RPS3A: variants seen among roughly 807,000 people sequenced by gnomAD.
RPS3A encodes ribosomal protein S3A, also known as small ribosomal subunit protein eS1.
RPS3A carries 1 observed loss-of-function variant against 26.4 expected under a neutral mutation model. That is an observed-to-expected ratio of 0.04 (90% CI 0.01 to 0.18). RPS3A has a LOEUF of 0.18. RPS3A is among the 10% of genes least tolerant of loss of function. RPS3A has a pLI of 1.00. For synonymous variants in RPS3A, 97 were observed against 106.1 expected, an observed-to-expected ratio of 0.91 and a Z score of 0.53; for missense variants, 139 against 326.8, an observed-to-expected ratio of 0.43 and a Z score of 4.43.
chr4:151,100,333 TTA>T lies in RPS3A; in HGVS notation c.63-150_63-149del, dbSNP rs1747064883. On this transcript the variant is annotated intron_variant, in intron 1 of 5. Transcript: ENST00000274065. ...AAACGTACAGTGGGAAGAGCTAGAT[TTA>T]TGTTTGTTCCCCTCACCTCACTGTG... 7 of 590,164 alleles carry T rather than the reference TTA, an allele frequency of 1.2e-5. No homozygotes were observed. In the East Asian group the frequency reaches 2.0e-4, roughly 17 times the overall value. 36.6% of individuals were successfully genotyped at this position (590,164 alleles called of 1,614,324 possible). A position where few individuals can be genotyped will look rare whatever the true frequency, so the allele number is the denominator to read the frequency against.
chr4:151,099,920 GCGCGCGTCGCGTTTGAGC>G lies in RPS3A; in HGVS notation c.62+209_62+226del, dbSNP rs536576412. On this transcript the variant is annotated intron_variant, in intron 1 of 5. Transcript: ENST00000274065. ...GCCTTTCCCAGGCCTTCTGGTCCTT[GCGCGCGTCGCGTTTGAGC>G]CGGCTTGCCGGCGCGACTCGGCTGG... 1.5e-5 allele frequency: 10 copies of G among 689,428 alleles called. No individual in the cohort carries two copies. In the South Asian group the frequency reaches 1.5e-4, roughly 10 times the overall value. 42.7% of individuals were successfully genotyped at this position (689,428 alleles called of 1,614,324 possible).
chr4:151,100,887 ATTAAC>A, intron 2 of RPS3A, 83 bp from the exon 3 acceptor site: 1 of 891,332 alleles, frequency 1.1e-6, no homozygotes, highest in Non-Finnish European at 1.7e-6. Context: ...ATAATTTACC[ATTAAC>A]TTAATTTCTA....
chr4:151,103,685 T>G, intron 4 of RPS3A: 1 of 1,091,232 alleles, frequency 9.2e-7, no homozygotes, highest in South Asian at 2.2e-5. Flanking sequence ...TAGGATTGTT[T>G]GAGCCCAGGA....
chr4:151,099,854 C>A, intron 1 of RPS3A, 140 bp downstream of exon 1: 1 of 898,718 alleles, frequency 1.1e-6, no homozygotes, highest in Non-Finnish European at 1.8e-6. Flanking sequence ...CACCCAGGAA[C>A]GCGGCCTGGA....
chr4:151,104,445 T>G (rs899781742), intron 5 of RPS3A, 27 bp from the exon 6 acceptor site: 5 of 1,349,340 alleles, frequency 3.7e-6, no homozygotes, highest in South Asian at 1.7e-5. Flanking sequence ...TTTGGTTTTT[T>G]TTTTTTTTTT....
rs1747087965 is a variant in RPS3A at position 151,100,872 on chromosome 4, T to G, written c.167-103T>G. 3 of 778,538 alleles carry G rather than the reference T, an allele frequency of 3.9e-6. No homozygotes were observed. The South Asian group carries it at 5.4e-5, about 14-fold the overall frequency. The allele number at this position is 778,538 out of a possible 1,614,324, so 48.2% of individuals were successfully genotyped here. A position where few individuals can be genotyped will look rare whatever the true frequency, so the allele number is the denominator to read the frequency against. On this transcript the variant is annotated intron_variant, in intron 2 of 5. Coordinates refer to ENST00000274065, the MANE Select transcript of RPS3A (RefSeq NM_001006.5). ...ATAGATTTGATAACAAAGGTTAAGG[T>G]CTTTATAATTTACCATTAACTTAAT...
In RPS3A at chr4:151,104,265, C is replaced by A; in HGVS notation, c.652C>A (p.Leu218Met). ...TGTCTTCGTTAGAAAAGTAAAAATG[C>A]TGAAGAAGCCCAAGTTTGAATGTAA... ...HDVFVRKVKM[L>M]KKPKFELGKL... Residue 218 changes from leucine (L) to methionine (M), a missense_variant, in exon 5 of 6, where the codon CTG becomes ATG. By Grantham distance (15) the Leu-to-Met change is conservative. Around this residue, in one of 3 missense-constraint regions of RPS3A, gnomAD observed 96 missense variants for 209.8 expected, o/e 0.46. Coordinates refer to ENST00000274065, the MANE Select transcript of RPS3A (RefSeq NM_001006.5). 1 of 1,612,894 alleles carries A rather than the reference C, an allele frequency of 6.2e-7. No homozygotes were observed. The highest frequency in any genetic ancestry group is 8.5e-7 in the Non-Finnish European group (1 of 1,179,744).
In RPS3A at chr4:151,100,956, T is replaced by G; in HGVS notation, c.167-19T>G. On this transcript the variant is annotated intron_variant, in intron 2 of 5. Transcript: ENST00000274065. ...ATATGGTTCCTAAATGTTAAGATAC[T>G]TGTTTTTTTCTTTTGTAGAAATTGC... is the stretch of plus-strand genomic sequence containing the variant. 6.4e-7 allele frequency: 1 copy of G among 1,554,454 alleles called. No homozygotes were observed. The highest frequency in any genetic ancestry group is 8.7e-7 in the Non-Finnish European group (1 of 1,148,568).
chr4:151,103,193 C>T (rs900859572), intron 4 of RPS3A, 114 bp downstream of exon 4: 24 of 1,443,508 alleles, frequency 1.7e-5, no homozygotes, highest in Non-Finnish European at 2.0e-5. Flanking sequence ...GTCTGTGAAT[C>T]CTTCTAGCTA....
chr4:151,099,900 T>G, intron 1 of RPS3A, 186 bp downstream of exon 1: 10 of 577,980 alleles, frequency 1.7e-5, no homozygotes, highest in East Asian at 7.7e-5. Flanking sequence ...CGGCTGCCTT[T>G]CCCAGGCCTT....
At position 151,104,220 on chromosome 4, in the gene RPS3A, T is replaced by C. The variant is rs770679095; in HGVS notation, c.607T>C (p.Ser203Pro). 1 of 1,612,700 alleles carries C rather than the reference T, an allele frequency of 6.2e-7. No homozygotes were observed. The highest frequency in any genetic ancestry group is 1.1e-5 in the South Asian group (1 of 90,742). Residue 203 changes from serine (S) to proline (P), a missense_variant, in exon 5 of 6, where the codon TCT becomes CCT. Transcript: ENST00000274065. ...AAAAGACATAGAAAAGGCTTGCCAATCTATTTATCCTCTCCATGATGTCTT... is the reference window on the plus strand; with the variant it reads ...AAAAGACATAGAAAAGGCTTGCCAACCTATTTATCCTCTCCATGATGTCTT... The part of the protein sequence containing the change: ...IGKDIEKACQ[S>P]IYPLHDVFVR...
chr4:151,103,148 G>A (rs1385742944), intron 4 of RPS3A, 69 bp downstream of exon 4: 11 of 1,530,336 alleles, frequency 7.2e-6, no homozygotes, highest in African/African-American at 6.9e-5. Context: ...ATGAGAGAAC[G>A]CATATGAGAC....
At chr4:151,104,438 GGTT>G in intron 5 of RPS3A, 31 bp from the exon 6 acceptor site, 1 of 370,330 alleles carries the variant, frequency 2.7e-6, no homozygotes, top group East Asian at 6.3e-5. Flanking sequence ...ACAGTTTTTT[GGTT>G]TTTTTTTTTT....
intron 1 of RPS3A, chr4:151,099,933 T>C (rs1250984087): frequency 1.5e-6 from 1 of 677,372 alleles, no homozygotes; most frequent in African/African-American, 1.8e-5. Context: ...CGCGTCGCGT[T>C]TGAGCCGGCT....
chr4:151,102,734 T>TA, intron 3 of RPS3A, 137 bp from the exon 4 acceptor site: 2 of 1,042,392 alleles, frequency 1.9e-6, no homozygotes, highest in East Asian at 2.6e-5. Context: ...TCTGTAAACT[T>TA]AAAGAGATGT....
At chr4:151,100,239 C>T (rs1747060664) in intron 1 of RPS3A, among the ~76,000 whole-genome samples, 1 of 152,102 alleles carries the variant, frequency 6.6e-6, no homozygotes, top group Admixed American at 6.6e-5. Context: ...ATTCTAAGTG[C>T]CTGTGTAGTG....
chr4:151,104,225 T>C lies in RPS3A; in HGVS notation c.612T>C (p.Ile204=). 2 of 1,613,264 alleles carry C rather than the reference T, an allele frequency of 1.2e-6. No individual in the cohort carries two copies. Among genetic ancestry groups the C allele is most frequent in the South Asian group, 1.1e-5 (1 of 90,878 alleles). The change falls in exon 5 of 6, where the codon ATT becomes ATC. Residue 204 remains isoleucine (I), a synonymous_variant. Transcript: ENST00000274065. The stretch of plus-strand genomic sequence containing the variant: ...ACATAGAAAAGGCTTGCCAATCTAT[T>C]TATCCTCTCCATGATGTCTTCGTTA... The part of the protein sequence containing the change: ...GKDIEKACQS[I]YPLHDVFVRK...
At chr4:151,102,593 G>A (rs1189744337) in intron 3 of RPS3A, among the ~76,000 whole-genome samples, 2 of 152,090 alleles carry the variant, frequency 1.3e-5, no homozygotes, top group Non-Finnish European at 2.9e-5. Flanking sequence ...AATGGATGTG[G>A]GTTTGGATGC....
chr4:151,103,496 T>C, intron 4 of RPS3A: 1 of 945,342 alleles, frequency 1.1e-6, no homozygotes, highest in Non-Finnish European at 1.2e-6. Context: ...CTTCAGGTGA[T>C]CTGCCAGTAC....
Sources: allele counts gnomAD v4.1 joint callset (sites outside exome capture counted in the v4.1 genomes callset), GRCh38; gene constraint gnomAD v4.1.1; regional missense constraint gnomAD v4.1.1; transcripts MANE v1.5; gene names NCBI Gene and HGNC (gene_info 2026-07-23, HGNC 2026-07-21).